NDRG3: variants seen among roughly 807,000 people sequenced by gnomAD.
NDRG3 encodes the protein NDRG family member 3, also known as protein NDRG3.
In NDRG3, 23 loss-of-function variants were observed where a neutral mutation model predicts 57.2. The ratio of observed to expected loss-of-function variants is 0.40; its 90% CI spans 0.29 to 0.57. The LOEUF (loss-of-function observed/expected upper bound fraction) is 0.57, where lower values mean the gene tolerates loss of function less well. NDRG3 is among the 20% of genes least tolerant of loss of function. The probability of loss-of-function intolerance (pLI) is 0.42; values close to 1 mark genes in which losing one functional copy is unlikely to be tolerated. For synonymous variants in NDRG3, 132 were observed against 162.6 expected (o/e 0.81, Z 1.43); for missense variants, 384 against 457.3 (o/e 0.84, Z 1.46).
intron 5 of NDRG3, 94 bp from the exon 6 acceptor site, chr20:36,684,569 G>T: frequency 9.1e-7 from 1 of 1,094,796 alleles, no homozygotes; most frequent in Non-Finnish European, 1.4e-6. Context: ...TAGATAAAAG[G>T]CTGAGCGCAG....
Position 36,656,396 on chromosome 20 carries a change from C to T in NDRG3, c.910G>A (p.Glu304Lys), listed in dbSNP as rs372522320. 9.3e-6 allele frequency: 15 copies of T among 1,613,974 alleles called. No homozygotes were observed. Among genetic ancestry groups the T allele is most frequent in the African/African-American group, 2.7e-5 (2 of 74,900 alleles). The change falls in exon 15 of 16, where the codon GAG (glutamate) becomes AAG (lysine). Residue 304 changes from glutamate (E) to lysine (K), a missense_variant. Physicochemically the swap from Glu to Lys is moderately conservative, Grantham distance 56. Coordinates refer to ENST00000349004, the MANE Select transcript of NDRG3 (RefSeq NM_032013.4). Reference protein sequence around the residue: ...PQVVQPGKLTEAFKYFLQGMG... With the variant: ...PQVVQPGKLTKAFKYFLQGMG... Reference sequence around the variant, plus strand: ...CCCTGCAAAAAGTACTTGAAGGCCTCGGTGAGCTTCCCAGGCTGGGGGGAT... The same window carrying T: ...CCCTGCAAAAAGTACTTGAAGGCCTTGGTGAGCTTCCCAGGCTGGGGGGAT...
chr20:36,706,766 G>C (rs1983571053), intron 3 of NDRG3, among the ~76,000 whole-genome samples: 1 of 152,164 alleles, frequency 6.6e-6, no homozygotes, highest in Non-Finnish European at 1.5e-5. Flanking sequence ...GCCTCTCAAA[G>C]TGCTGGAATT....
chr20:36,733,194 ATATATAT>A (rs1568673051), intron 1 of NDRG3, among the ~76,000 whole-genome samples: 3 of 129,460 alleles, frequency 2.3e-5, no homozygotes, highest in African/African-American at 8.7e-5. Context: ...ATATATATAT[ATATATAT>A]ATGCACATAT....
chr20:36,666,458 T>G, intron 9 of NDRG3, 66 bp from the exon 10 acceptor site: 1 of 1,287,082 alleles, frequency 7.8e-7, no homozygotes, highest in Non-Finnish European at 1.1e-6. Context: ...CTTGTTTGGT[T>G]TGCATTTTCA....
intron 3 of NDRG3, among the ~76,000 whole-genome samples, chr20:36,697,802 G>C (rs1332907441): frequency 6.6e-6 from 1 of 151,750 alleles, no homozygotes; most frequent in Non-Finnish European, 1.5e-5. Context: ...ATAAGTGTGT[G>C]CATAAATTTT....
At chr20:36,725,401 G>A (rs1443833858) in intron 1 of NDRG3, among the ~76,000 whole-genome samples, 1 of 152,062 alleles carries the variant, frequency 6.6e-6, no homozygotes, top group African/African-American at 2.4e-5. Context: ...CCTGAGGTTC[G>A]AGACCAGTCT....
chr20:36,671,828 T>C (rs1469275201), intron 8 of NDRG3, among the ~76,000 whole-genome samples: 1 of 148,606 alleles, frequency 6.7e-6, no homozygotes, highest in Non-Finnish European at 1.5e-5. Flanking sequence ...AACCCCACAA[T>C]TCAGTGTTAT....
At chr20:36,658,423 A>C (rs762267166) in intron 13 of NDRG3, among the ~76,000 whole-genome samples, 10 of 152,092 alleles carry the variant, frequency 6.6e-5, no homozygotes, top group Non-Finnish European at 1.2e-4. Context: ...CCCTCCCCAA[A>C]ATTTTTAGAC....
intron 5 of NDRG3, among the ~76,000 whole-genome samples, chr20:36,685,747 G>T (rs1182366726): frequency 6.6e-6 from 1 of 152,180 alleles, no homozygotes; most frequent in Non-Finnish European, 1.5e-5. Context: ...GTTGGCTCAC[G>T]CCTGTAATCC....
rs140652510 is a variant in NDRG3 at position 36,721,949 on chromosome 20, T to C, written c.-48-166A>G. ...GGCAGATAGACACTAACCTGGTCTATAGGATTCTTGCCTCCTGGTATTCAC... is the reference window on the plus strand; with the variant it reads ...GGCAGATAGACACTAACCTGGTCTACAGGATTCTTGCCTCCTGGTATTCAC... On this transcript the variant is annotated intron_variant, in intron 1 of 15. Transcript: ENST00000349004. Among the ~76,000 whole-genome samples, 233 of 152,364 alleles carry C rather than the reference T, an allele frequency of 1.5e-3. 1 individual carries two copies. Among genetic ancestry groups the C allele is most frequent in the Admixed American group, 3.5e-3 (54 of 15,294 alleles).
chr20:36,664,782 T>G (rs1401053343), intron 12 of NDRG3, among the ~76,000 whole-genome samples: 1 of 152,052 alleles, frequency 6.6e-6, no homozygotes, highest in Non-Finnish European at 1.5e-5. Flanking sequence ...CTTGACCTCC[T>G]GAGCTCAAGC....
In NDRG3 at chr20:36,663,574, T is replaced by G. The variant is rs74831908; in HGVS notation, c.810+1472A>C. Among the ~76,000 whole-genome samples, 506 of 152,152 alleles carry G rather than the reference T, an allele frequency of 3.3e-3. 4 individuals are homozygous for G. The highest frequency in any genetic ancestry group is 0.012 in the African/African-American group (490 of 41,526). On this transcript the variant is annotated intron_variant, in intron 12 of 15. Coordinates refer to ENST00000349004, the MANE Select transcript of NDRG3 (RefSeq NM_032013.4). The stretch of plus-strand genomic sequence containing the variant: ...ATTTTTAACCAATCGAATTAACTAC[T>G]AATAAAAAAAAGATTCAATGCTAGA...
At chr20:36,689,902 A>C (rs1478141214) in intron 3 of NDRG3, among the ~76,000 whole-genome samples, 1 of 151,798 alleles carries the variant, frequency 6.6e-6, no homozygotes, top group Non-Finnish European at 1.5e-5. Flanking sequence ...TTGTATTTTT[A>C]GTAGAGACGG....
intron 1 of NDRG3, among the ~76,000 whole-genome samples, chr20:36,744,020 C>T (rs1986060208): frequency 6.7e-6 from 1 of 149,844 alleles, no homozygotes; most frequent in South Asian, 2.1e-4. Flanking sequence ...CCTGCCTCAG[C>T]CTCCCGAGTA....
intron 3 of NDRG3, among the ~76,000 whole-genome samples, chr20:36,699,882 G>T (rs1284536478): frequency 6.6e-6 from 1 of 152,062 alleles, no homozygotes; most frequent in Non-Finnish European, 1.5e-5. Context: ...CAGCACTTTA[G>T]GAGGCTGAGG....
At chr20:36,737,640 A>C (rs1985674872) in intron 1 of NDRG3, among the ~76,000 whole-genome samples, 1 of 152,204 alleles carries the variant, frequency 6.6e-6, no homozygotes. Context: ...GCTAGCAAGC[A>C]GCAGAGCAAG....
At chr20:36,723,114 A>AGACT (rs1984696544) in intron 1 of NDRG3, among the ~76,000 whole-genome samples, 1 of 152,166 alleles carries the variant, frequency 6.6e-6, no homozygotes. Context: ...ACCACATGAG[A>AGACT]GACTCTAAGT....
intron 13 of NDRG3, among the ~76,000 whole-genome samples, chr20:36,657,485 GA>G (rs757285386): frequency 3.2e-3 from 413 of 129,776 alleles, no homozygotes; most frequent in Middle Eastern, 7.5e-3. Flanking sequence ...CCGTCTCCAG[GA>G]AAAAAAAAAA....
chr20:36,681,710 T>G (rs1171510749), intron 7 of NDRG3, among the ~76,000 whole-genome samples: 2 of 151,944 alleles, frequency 1.3e-5, no homozygotes, highest in Non-Finnish European at 2.9e-5. Flanking sequence ...AATTTAATTT[T>G]CTTTTTGAGA....
Sources: allele counts gnomAD v4.1 joint callset (sites outside exome capture counted in the v4.1 genomes callset), GRCh38; gene constraint gnomAD v4.1.1; transcripts MANE v1.5; gene names NCBI Gene and HGNC (gene_info 2026-07-23, HGNC 2026-07-21).